The following ATG7 variants were observed in gnomAD, a reference collection of about 807,000 sequenced individuals.
ATG7 encodes the protein autophagy related 7, also known as ubiquitin-like modifier-activating enzyme ATG7.
ATG7 carries 70 observed loss-of-function variants against 82.4 expected under a neutral mutation model. The ratio of observed to expected loss-of-function variants is 0.85; its 90% confidence interval spans 0.70 to 1.04. The LOEUF is 1.04. Among genes scored for constraint, ATG7 ranks in the 50% least tolerant of loss-of-function variants. The probability of loss-of-function intolerance (pLI) is 0.00; values close to 1 mark genes in which losing one functional copy is unlikely to be tolerated. For synonymous variants in ATG7, 287 were observed against 313.0 expected (o/e 0.92, Z 0.88); for missense variants, 792 against 864.3 (o/e 0.92, Z 1.05).
the ATG7 span, among the ~76,000 whole-genome samples, chr3:11,574,474 T>C: frequency 6.6e-6 from 1 of 151,646 alleles, no homozygotes; most frequent in Admixed American, 6.6e-5. Context: ...AAGCTGAGAG[T>C]TCCAGAGGCT....
At chr3:11,338,874 G>A (rs1280769922) in intron 11 of ATG7, among the ~76,000 whole-genome samples, 2 of 152,154 alleles carry the variant, frequency 1.3e-5, no homozygotes, top group Admixed American at 6.5e-5. Context: ...AAGGAAATCA[G>A]TACCTTCTAG....
rs1301794825 is a variant in ATG7 at position 11,296,352 on chromosome 3, C to T, written c.-10-2334C>T. 3.3e-5 allele frequency among the ~76,000 whole-genome samples: 5 copies of T among 152,286 alleles called. No homozygotes were observed. In the East Asian group the frequency reaches 9.7e-4, roughly 29 times the overall value. Reference sequence around the variant, plus strand: ...ATTCTCCTAGCCATTTGTGGCTTGACACCCCAAGAGCTTTATTCTCTCTTT... The same window carrying T: ...ATTCTCCTAGCCATTTGTGGCTTGATACCCCAAGAGCTTTATTCTCTCTTT... On this transcript the variant is annotated intron_variant, in intron 3 of 20. Coordinates refer to ENST00000693202, the MANE Select transcript of ATG7 (RefSeq NM_001349232.2).
At chr3:11,426,140 G>A (rs565826936) in intron 19 of ATG7, among the ~76,000 whole-genome samples, 1 of 152,154 alleles carries the variant, frequency 6.6e-6, no homozygotes, top group Non-Finnish European at 1.5e-5. Flanking sequence ...TACACATAGA[G>A]TAGAATTGCT....
At chr3:11,349,147 A>G (rs1258056835) in intron 14 of ATG7, among the ~76,000 whole-genome samples, 1 of 152,172 alleles carries the variant, frequency 6.6e-6, no homozygotes, top group African/African-American at 2.4e-5. Context: ...GTGCATTTAC[A>G]ATCCTTTAGC....
chr3:11,568,902 C>T, the ATG7 span: 2 of 1,299,504 alleles, frequency 1.5e-6, no homozygotes, highest in Non-Finnish European at 2.0e-6. The surrounding 1 kb of genome is among the most constrained non-coding windows in gnomAD (Gnocchi z 5.9). Flanking sequence ...CCCCGGGCCT[C>T]ATCCCCATCC....
At chr3:11,435,694 G>A (rs1206102137) in intron 20 of ATG7, among the ~76,000 whole-genome samples, 1 of 152,146 alleles carries the variant, frequency 6.6e-6, no homozygotes, top group African/African-American at 2.4e-5. Flanking sequence ...AGTCATGTGA[G>A]ACCTTGGGTT....
intron 20 of ATG7, among the ~76,000 whole-genome samples, chr3:11,452,576 C>T (rs1221450731): frequency 6.6e-6 from 1 of 152,052 alleles, no homozygotes; most frequent in South Asian, 2.1e-4. Context: ...GTCCTCTAGG[C>T]ACTTCAGCAA....
rs553634997 is a variant in ATG7, at chr3:11,328,641, T to C, written c.679-2699T>C. On this transcript the variant is annotated intron_variant, in intron 9 of 20. Transcript: ENST00000693202. ...CCATAGTAAAATTCATTTTCAGAGA[T>C]TGAGCAGATGAAGACTACTTAATTG... is the stretch of plus-strand genomic sequence containing the variant. Among the ~76,000 whole-genome samples, 51 of 152,298 alleles carry C rather than the reference T, an allele frequency of 3.3e-4. 2 individuals carry two copies. The Middle Eastern group carries it at 0.02, about 61-fold the overall frequency.
At chr3:11,552,441 C>T (rs2071893129) in intron 20 of ATG7, among the ~76,000 whole-genome samples, 1 of 152,142 alleles carries the variant, frequency 6.6e-6, no homozygotes, top group Non-Finnish European at 1.5e-5. Context: ...GTTGCACTGC[C>T]AAGGACACAG....
chr3:11,520,663 C>T (rs1034829450), intron 20 of ATG7, among the ~76,000 whole-genome samples: 8 of 152,178 alleles, frequency 5.3e-5, no homozygotes, highest in Non-Finnish European at 1.2e-4. Context: ...CTTCTGAGCT[C>T]GCCCTGTACC....
At chr3:11,304,335 G>C (rs865873383) in intron 5 of ATG7, among the ~76,000 whole-genome samples, 1 of 152,172 alleles carries the variant, frequency 6.6e-6, no homozygotes, top group East Asian at 1.9e-4. Flanking sequence ...CGGTCTAAGC[G>C]CATGGCTGTC....
chr3:11,373,543 G>A (rs929148555), intron 18 of ATG7, among the ~76,000 whole-genome samples: 4 of 152,184 alleles, frequency 2.6e-5, no homozygotes, highest in Non-Finnish European at 5.9e-5. Flanking sequence ...TCAAGTTCCA[G>A]GGGCTTCTTC....
intron 20 of ATG7, among the ~76,000 whole-genome samples, chr3:11,481,095 T>C (rs893596770): frequency 6.6e-6 from 1 of 152,242 alleles, no homozygotes; most frequent in Non-Finnish European, 1.5e-5. Flanking sequence ...GACTATAAAT[T>C]TGTTTTCTTC....
intron 18 of ATG7, among the ~76,000 whole-genome samples, chr3:11,378,685 CAAAAAA>C (rs368506515): frequency 8.9e-5 from 7 of 78,966 alleles, no homozygotes; most frequent in South Asian, 4.8e-4. Context: ...ACTCCATCTC[CAAAAAA>C]AAAAAAAAAA....
At chr3:11,360,454 C>A in intron 15 of ATG7, 127 bp from the exon 16 acceptor site, 1 of 913,936 alleles carries the variant, frequency 1.1e-6, no homozygotes, top group Non-Finnish European at 1.6e-6. Flanking sequence ...TCATCATTAG[C>A]TTTTATAATC....
intron 18 of ATG7, among the ~76,000 whole-genome samples, chr3:11,376,231 G>T (rs2077406202): frequency 6.6e-6 from 1 of 152,168 alleles, no homozygotes; most frequent in African/African-American, 2.4e-5. Flanking sequence ...TGGGGGTGAT[G>T]AAAATGTTCT....
At chr3:11,417,810 AT>A (rs368598930) in intron 19 of ATG7, among the ~76,000 whole-genome samples, 5 of 97,986 alleles carry the variant, frequency 5.1e-5, no homozygotes, top group Non-Finnish European at 7.9e-5. Flanking sequence ...ATTTTATTTT[AT>A]TTTATTTTTT....
chr3:11,298,668 TG>T lies in ATG7; in HGVS notation c.-10-17del. 6.2e-7 allele frequency: 1 copy of T among 1,608,774 alleles called. No homozygotes were observed. Among genetic ancestry groups the T allele is most frequent in the Middle Eastern group, 1.7e-4 (1 of 6,036 alleles). ...ATGGATATGTTATTTTGCTGTGTTC[TG>T]TTTTGTTTTTTAATAGGCAAGAAAT... On this transcript the variant is annotated splice_polypyrimidine_tract_variant and intron_variant, in intron 3 of 20. Transcript: ENST00000693202.
At chr3:11,451,135 A>G (rs1034939564) in intron 20 of ATG7, among the ~76,000 whole-genome samples, 5 of 152,192 alleles carry the variant, frequency 3.3e-5, no homozygotes, top group African/African-American at 9.7e-5. Flanking sequence ...AAACTTTGGA[A>G]TCTTTACCAA....
Sources: gnomAD v4.1 joint callset for allele counts (sites outside exome capture counted in the v4.1 genomes callset) on GRCh38, gnomAD v4.1.1 for gene constraint, Gnocchi (gnomAD v3.1) non-coding constraint, MANE v1.5 for transcripts, NCBI Gene and HGNC (gene_info 2026-07-23, HGNC 2026-07-21) for gene names.